MALRD1: variants seen among roughly 807,000 people sequenced by gnomAD.
MALRD1 encodes MAM and LDL receptor class A domain containing 1, also known as MAM and LDL-receptor class A domain-containing protein 1.
Under a neutral mutation model 242.1 loss-of-function variants are expected in MALRD1, and 247 were observed. That is an observed-to-expected ratio of 1.02 (90% CI 0.92 to 1.13). The LOEUF is 1.13. Ranked by LOEUF, MALRD1 falls within the 50% of genes most tolerant of loss-of-function variation. The pLI is 0.00. For synonymous variants in MALRD1, 995 were observed against 866.6 expected (o/e 1.15, Z -2.60); for missense variants, 2,989 against 2,533.1 (o/e 1.18, Z -3.86).
intron 4 of MALRD1, among the ~76,000 whole-genome samples, chr10:19,095,013 T>C (rs1193902163): frequency 1.3e-5 from 2 of 152,208 alleles, no homozygotes; most frequent in South Asian, 2.1e-4. Context: ...CTAATCTTGC[T>C]CTGTGAGTCA....
intron 4 of MALRD1, among the ~76,000 whole-genome samples, chr10:19,096,250 G>A (rs931446905): frequency 1.3e-5 from 2 of 152,086 alleles, no homozygotes; most frequent in African/African-American, 4.8e-5. Context: ...AATATGTGCA[G>A]TAGATCAATA....
At chr10:19,257,580 T>A in intron 18 of MALRD1, 104 bp from the exon 19 acceptor site, 1 of 887,050 alleles carries the variant, frequency 1.1e-6, no homozygotes, top group Non-Finnish European at 1.7e-6. Context: ...CACAGAAGGT[T>A]ATATTTGGGT....
chr10:19,503,425 T>G (rs149418317), intron 31 of MALRD1, among the ~76,000 whole-genome samples: 1 of 152,346 alleles, frequency 6.6e-6, no homozygotes, highest in Non-Finnish European at 1.5e-5. Context: ...CCATTTTCAC[T>G]GCCCATCACA....
chr10:19,146,876 C>G (rs1017381237), intron 11 of MALRD1, among the ~76,000 whole-genome samples: 1 of 152,168 alleles, frequency 6.6e-6, no homozygotes, highest in African/African-American at 2.4e-5. Flanking sequence ...AATAGAGGAA[C>G]CATAACTACC....
chr10:19,636,569 C>A (rs1840134499), intron 36 of MALRD1, among the ~76,000 whole-genome samples: 3 of 151,958 alleles, frequency 2.0e-5, no homozygotes, highest in Admixed American at 6.6e-5. Flanking sequence ...GACCAAATTA[C>A]AAGAAAAATA....
chr10:19,734,038 T>C, intron 39 of MALRD1, 119 bp from the exon 40 acceptor site: 1 of 699,940 alleles, frequency 1.4e-6, no homozygotes. Flanking sequence ...AGGGATGTTC[T>C]AGTTATTACT....
chr10:19,356,529 A>G (rs897518983), intron 26 of MALRD1, among the ~76,000 whole-genome samples: 1 of 152,164 alleles, frequency 6.6e-6, no homozygotes, highest in Admixed American at 6.6e-5. Context: ...CTTAACACAA[A>G]ATCAGTATAA....
intron 18 of MALRD1, among the ~76,000 whole-genome samples, chr10:19,252,285 C>T (rs981814052): frequency 2.6e-5 from 4 of 151,932 alleles, no homozygotes; most frequent in African/African-American, 9.7e-5. Context: ...TGGAGTTAAA[C>T]GAAACTGTTA....
intron 29 of MALRD1, among the ~76,000 whole-genome samples, chr10:19,474,119 T>TCG (rs1554780155): frequency 1.8e-4 from 28 of 152,008 alleles, no homozygotes; most frequent in African/African-American, 5.5e-4. Context: ...TATTGGACAT[T>TCG]TGTGTATGTT....
At chr10:19,180,992 A>T (rs1415164590) in intron 14 of MALRD1, among the ~76,000 whole-genome samples, 2 of 152,204 alleles carry the variant, frequency 1.3e-5, no homozygotes, top group African/African-American at 4.8e-5. Context: ...ATCATCAGGG[A>T]AATACAAATC....
chr10:19,498,059 A>C (rs781524591), intron 30 of MALRD1, among the ~76,000 whole-genome samples: 3 of 152,190 alleles, frequency 2.0e-5, no homozygotes, highest in Non-Finnish European at 4.4e-5. Flanking sequence ...ACTTCTCCCA[A>C]AGTGCCTTTT....
intron 2 of MALRD1, among the ~76,000 whole-genome samples, chr10:19,085,588 AT>A (rs955698084): frequency 1.3e-5 from 2 of 151,954 alleles, no homozygotes; most frequent in Non-Finnish European, 2.9e-5. Context: ...ATTAACCTTT[AT>A]TGAATATTTG....
chr10:19,637,418 A>G (rs568571245), intron 36 of MALRD1, among the ~76,000 whole-genome samples: 1 of 152,184 alleles, frequency 6.6e-6, no homozygotes, highest in South Asian at 2.1e-4. Context: ...AAAGTAAATT[A>G]TTAGAAAATC....
intron 9 of MALRD1, among the ~76,000 whole-genome samples, 157 bp from the exon 10 acceptor site, chr10:19,136,417 A>G (rs1319901274): frequency 6.6e-6 from 1 of 151,798 alleles, no homozygotes; most frequent in East Asian, 1.9e-4. Flanking sequence ...TCGTATGAGC[A>G]TGGGTTGAGG....
At chr10:19,645,323 T>C (rs2131688986) in intron 36 of MALRD1, among the ~76,000 whole-genome samples, 1 of 152,330 alleles carries the variant, frequency 6.6e-6, no homozygotes, top group Non-Finnish European at 1.5e-5. Context: ...AGTGTGGTGA[T>C]TCCTCAGGGG....
At chr10:19,564,107 G>A (rs1165304024) in intron 32 of MALRD1, among the ~76,000 whole-genome samples, 5 of 152,100 alleles carry the variant, frequency 3.3e-5, no homozygotes, top group African/African-American at 7.2e-5. Flanking sequence ...CTTTTCTTAA[G>A]TTTTACCCAG....
chr10:19,688,520 CA>C (rs1367458660), intron 36 of MALRD1, among the ~76,000 whole-genome samples: 3 of 152,170 alleles, frequency 2.0e-5, no homozygotes. Flanking sequence ...CTCGGTCTCC[CA>C]AAGTGCTGGA....
chr10:19,508,493 A>G (rs565792712), intron 31 of MALRD1, among the ~76,000 whole-genome samples: 1 of 152,312 alleles, frequency 6.6e-6, no homozygotes, highest in East Asian at 1.9e-4. Context: ...GACTCAAAAC[A>G]CTTTCTCCTG....
At position 19,049,209 on chromosome 10, in the gene MALRD1, G is replaced by A. The variant is rs546320452; in HGVS notation, c.199+72G>A. The A allele has an allele frequency of 1.4e-4, 164 of 1,185,764 alleles. 1 individual carries two copies. In the Middle Eastern group the frequency reaches 1.6e-3, roughly 12 times the overall value. 73.5% of individuals were successfully genotyped at this position (1,185,764 alleles called of 1,614,324 possible). On this transcript the variant is annotated intron_variant, in intron 1 of 39. Coordinates refer to ENST00000454679, the MANE Select transcript of MALRD1 (RefSeq NM_001142308.3). ...GAAACGAGGGCCTCTGAGCAGTCTG[G>A]GAGATTTGGCTAGATACTTGGCTCT... is the stretch of plus-strand genomic sequence containing the variant.
Sources: gnomAD v4.1 joint callset for allele counts (sites outside exome capture counted in the v4.1 genomes callset) on GRCh38, gnomAD v4.1.1 for gene constraint, MANE v1.5 for transcripts, NCBI Gene and HGNC (gene_info 2026-07-23, HGNC 2026-07-21) for gene names.